B4GALT5: variants seen among roughly 807,000 people sequenced by gnomAD.
B4GALT5 encodes the protein UDP-Gal:beta-GlcNAc beta-1,4-galactosyltransferase 5.
In B4GALT5, 11 loss-of-function variants were observed where a neutral mutation model predicts 45.0. The observed-to-expected ratio is 0.24, with a 90% CI of 0.15 to 0.40. B4GALT5 has a LOEUF of 0.40. B4GALT5 is among the 10% of genes least tolerant of loss of function. The pLI is 1.00. For synonymous variants in B4GALT5, 185 were observed against 182.9 expected, an observed-to-expected ratio of 1.01 and a Z score of -0.09; for missense variants, 337 against 500.2, an observed-to-expected ratio of 0.67 and a Z score of 3.11.
At chr20:49,675,259 C>T (rs2085732624) in intron 1 of B4GALT5, among the ~76,000 whole-genome samples, 1 of 152,168 alleles carries the variant, frequency 6.6e-6, no homozygotes, top group Non-Finnish European at 1.5e-5. Context: ...AGCCCACACA[C>T]CCCACAGTCA....
chr20:49,712,994 A>C (rs1203102360), intron 1 of B4GALT5, among the ~76,000 whole-genome samples: 1 of 141,788 alleles, frequency 7.1e-6, no homozygotes, highest in Non-Finnish European at 1.5e-5. Context: ...GAGGACCTGG[A>C]GGTGGATGTA....
intron 1 of B4GALT5, among the ~76,000 whole-genome samples, chr20:49,681,700 C>T (rs1267314423): frequency 1.3e-5 from 2 of 152,260 alleles, no homozygotes; most frequent in Non-Finnish European, 2.9e-5. Context: ...TTAATGGTAA[C>T]TCTACCCTTT....
chr20:49,684,755 G>A, intron 1 of B4GALT5: 1 of 469,554 alleles, frequency 2.1e-6, no homozygotes, highest in South Asian at 1.6e-5. Context: ...CCAGAGAACA[G>A]AGGTGGCATG....
At chr20:49,700,983 T>C (rs1426516026) in intron 1 of B4GALT5, among the ~76,000 whole-genome samples, 2 of 152,184 alleles carry the variant, frequency 1.3e-5, no homozygotes, top group East Asian at 3.8e-4. Context: ...GAACACCAGA[T>C]GAATTGGCCC....
At chr20:49,667,257 TG>T (rs2085695145) in intron 1 of B4GALT5, among the ~76,000 whole-genome samples, 1 of 151,446 alleles carries the variant, frequency 6.6e-6, no homozygotes, top group Non-Finnish European at 1.5e-5. Flanking sequence ...CTTGTGTTGT[TG>T]TTGTTTTTTT....
At chr20:49,687,728 G>A (rs571324332) in intron 1 of B4GALT5, among the ~76,000 whole-genome samples, 1 of 152,006 alleles carries the variant, frequency 6.6e-6, no homozygotes, top group Non-Finnish European at 1.5e-5. Flanking sequence ...TTAGTAAATG[G>A]AGCACAGACT....
chr20:49,706,125 G>A (rs557752201), intron 1 of B4GALT5, among the ~76,000 whole-genome samples: 3 of 151,450 alleles, frequency 2.0e-5, no homozygotes, highest in African/African-American at 7.3e-5. Flanking sequence ...AACCCAGGAG[G>A]CGGAGGTTGC....
intron 1 of B4GALT5, among the ~76,000 whole-genome samples, chr20:49,674,333 T>C (rs1402265628): frequency 6.6e-6 from 1 of 151,300 alleles, no homozygotes; most frequent in Admixed American, 6.6e-5. Flanking sequence ...ATCCTGTAAA[T>C]GGGCCAGGAA....
At chr20:49,656,088 C>A (rs1020264567) in intron 2 of B4GALT5, among the ~76,000 whole-genome samples, 7 of 152,184 alleles carry the variant, frequency 4.6e-5, no homozygotes, top group Non-Finnish European at 1.0e-4. Context: ...AGATCCCTCA[C>A]AAATGGCTTG....
chr20:49,687,827 T>C (rs990839313), intron 1 of B4GALT5, among the ~76,000 whole-genome samples: 1 of 151,828 alleles, frequency 6.6e-6, no homozygotes, highest in African/African-American at 2.4e-5. Context: ...ACTGAGAGCC[T>C]GTGGCAGACC....
At chr20:49,697,444 A>G (rs1207521400) in intron 1 of B4GALT5, among the ~76,000 whole-genome samples, 1 of 152,214 alleles carries the variant, frequency 6.6e-6, no homozygotes, top group East Asian at 1.9e-4. Flanking sequence ...CACTGTGATC[A>G]ATGGCTTCAA....
intron 1 of B4GALT5, among the ~76,000 whole-genome samples, chr20:49,665,181 G>C (rs1158665959): frequency 6.6e-6 from 1 of 151,968 alleles, no homozygotes; most frequent in Admixed American, 6.6e-5. Context: ...AGTTTGGGAG[G>C]CCTAAGCAGG....
At chr20:49,660,373 A>C (rs1238999650) in intron 1 of B4GALT5, among the ~76,000 whole-genome samples, 1 of 152,234 alleles carries the variant, frequency 6.6e-6, no homozygotes, top group African/African-American at 2.4e-5. Flanking sequence ...AGAGATGTTT[A>C]GTTATTTAGC....
intron 1 of B4GALT5, among the ~76,000 whole-genome samples, chr20:49,686,725 G>C: frequency 1.7e-5 from 1 of 57,614 alleles, no homozygotes; most frequent in Admixed American, 2.6e-4. Context: ...CCTTGTCTCT[G>C]CCCAAAAAAA....
chr20:49,640,341 T>C lies in B4GALT5; in HGVS notation c.794+137A>G, dbSNP rs547141854. On this transcript the variant is annotated intron_variant, in intron 6 of 8. Coordinates refer to ENST00000371711, the MANE Select transcript of B4GALT5 (RefSeq NM_004776.4). ...TTTCTCCTGCCAAACAGTGCTCCAA[T>C]TGTATGGATACACACATTTTGTTTA... 2.4e-4 allele frequency: 168 copies of C among 712,308 alleles called. No individual in the cohort carries two copies. The East Asian group carries it at 4.8e-3, about 20-fold the overall frequency. The allele number at this position is 712,308 out of a possible 1,614,324, so 44.1% of individuals were successfully genotyped here.
intron 1 of B4GALT5, among the ~76,000 whole-genome samples, chr20:49,704,519 A>G (rs2085875933): frequency 6.6e-6 from 1 of 151,888 alleles, no homozygotes; most frequent in Non-Finnish European, 1.5e-5. Context: ...GGAGATCGAG[A>G]CCATCCCGGC....
intron 1 of B4GALT5, among the ~76,000 whole-genome samples, chr20:49,708,108 G>A (rs530500483): frequency 2.6e-5 from 4 of 151,886 alleles, no homozygotes; most frequent in African/African-American, 9.7e-5. Flanking sequence ...AGCTGGGCAT[G>A]GTGGCAGGCG....
chr20:49,641,732 A>G (rs975168608), intron 5 of B4GALT5, among the ~76,000 whole-genome samples: 2 of 152,218 alleles, frequency 1.3e-5, no homozygotes, highest in Non-Finnish European at 2.9e-5. Context: ...AAAGACCCTC[A>G]GACTGACGAT....
At position 49,662,040 on chromosome 20, in the gene B4GALT5, T is replaced by A. The variant is rs569163259; in HGVS notation, c.116-5338A>T. Among the ~76,000 whole-genome samples, 15 of 152,232 alleles carry A rather than the reference T, an allele frequency of 9.9e-5. No individual in the cohort carries two copies. The Middle Eastern group carries it at 0.014, about 138-fold the overall frequency. On this transcript the variant is annotated intron_variant, in intron 1 of 8. Coordinates refer to ENST00000371711, the MANE Select transcript of B4GALT5 (RefSeq NM_004776.4). ...CAGCTTCCGGGGGCGAAGGACTGGG[T>A]TTCCTGCCCTTCAGCCACCTCTTGG...
Sources: allele counts gnomAD v4.1 joint callset (sites outside exome capture counted in the v4.1 genomes callset), GRCh38; gene constraint gnomAD v4.1.1; transcripts MANE v1.5; gene names NCBI Gene and HGNC (gene_info 2026-07-23, HGNC 2026-07-21).